Variants in CAMKMT observed in about 807,000 individuals in gnomAD.
The protein encoded by CAMKMT is CaM KMT.
In CAMKMT, 53 loss-of-function variants were observed where a neutral mutation model predicts 48.0. That is an observed-to-expected ratio of 1.10 (90% confidence interval 0.89 to 1.39). The LOEUF is 1.39. Among genes scored for constraint, CAMKMT ranks in the 40% most tolerant of loss-of-function variants. The pLI is 0.00. For missense variants in CAMKMT, 428 were observed against 402.7 expected (o/e 1.06, Z -0.54); for synonymous variants, 165 against 152.3 (o/e 1.08, Z -0.61).
intron 7 of CAMKMT, among the ~76,000 whole-genome samples, chr2:44,733,553 A>C (rs1679194849): frequency 6.6e-6 from 1 of 152,174 alleles, no homozygotes; most frequent in South Asian, 2.1e-4. Context: ...TTCACCATTA[A>C]GTATGATGTT....
intron 7 of CAMKMT, among the ~76,000 whole-genome samples, chr2:44,726,767 C>T (rs146925192): frequency 5.9e-5 from 9 of 152,192 alleles, no homozygotes; most frequent in Admixed American, 2.0e-4. Context: ...CATTTAAAAC[C>T]GTAATCCATT....
chr2:44,403,368 G>A (rs1682561724), intron 3 of CAMKMT, among the ~76,000 whole-genome samples: 1 of 152,152 alleles, frequency 6.6e-6, no homozygotes, highest in South Asian at 2.1e-4. Flanking sequence ...AGTCTGGAGA[G>A]ACTAGACCCG....
chr2:44,682,210 A>G (rs939373170), intron 3 of CAMKMT, among the ~76,000 whole-genome samples: 2 of 152,218 alleles, frequency 1.3e-5, no homozygotes, highest in Non-Finnish European at 2.9e-5. Flanking sequence ...CCCCTGAATT[A>G]TTGTATAATA....
intron 3 of CAMKMT, among the ~76,000 whole-genome samples, chr2:44,584,351 A>C (rs1057166906): frequency 2.0e-5 from 3 of 152,236 alleles, no homozygotes; most frequent in Non-Finnish European, 4.4e-5. Flanking sequence ...GTGAAAATGT[A>C]CTAGAGGACC....
intron 3 of CAMKMT, among the ~76,000 whole-genome samples, chr2:44,398,097 A>T (rs963301916): frequency 5.3e-5 from 8 of 152,126 alleles, no homozygotes; most frequent in African/African-American, 1.9e-4. Context: ...CATCCTTTAC[A>T]GTATTTGTCA....
At chr2:44,707,528 T>C in intron 6 of CAMKMT, 66 bp downstream of exon 6, 3 of 1,389,092 alleles carry the variant, frequency 2.2e-6, no homozygotes, top group Non-Finnish European at 1.0e-6. Flanking sequence ...GAGTAACAAT[T>C]GATATAAAGA....
chr2:44,513,659 C>G (rs1206031109), intron 3 of CAMKMT, among the ~76,000 whole-genome samples: 1 of 152,164 alleles, frequency 6.6e-6, no homozygotes, highest in Non-Finnish European at 1.5e-5. Context: ...ACAGAACTTA[C>G]TTCTCTTTCC....
chr2:44,750,331 A>G (rs1680100885), intron 8 of CAMKMT, among the ~76,000 whole-genome samples: 1 of 151,894 alleles, frequency 6.6e-6, no homozygotes, highest in Non-Finnish European at 1.5e-5. Context: ...TAATTTTTGT[A>G]TTTTTAGTAG....
Position 44,454,670 on chromosome 2 carries a change from A to G in CAMKMT, c.376+64365A>G, listed in dbSNP as rs180769547. Among the ~76,000 whole-genome samples the G allele has an allele frequency of 4.2e-3, 636 of 152,072 alleles. 2 individuals are homozygous for G. Among genetic ancestry groups the G allele is most frequent in the African/African-American group, 0.015 (609 of 41,506 alleles). On this transcript the variant is annotated intron_variant, in intron 3 of 10. Coordinates refer to ENST00000378494, the MANE Select transcript of CAMKMT (RefSeq NM_024766.5). ...TTTTCCATTTCTGATCTGTTTCTCT[A>G]TTTTACTTATCTCTTGGACGGCATA...
intron 3 of CAMKMT, among the ~76,000 whole-genome samples, chr2:44,604,985 A>C (rs1457215984): frequency 1.3e-5 from 2 of 152,168 alleles, no homozygotes; most frequent in African/African-American, 4.8e-5. Context: ...ATGGAGTGCC[A>C]TCAGTCCCTG....
chr2:44,555,056 C>T (rs974447988), intron 3 of CAMKMT, among the ~76,000 whole-genome samples: 27 of 151,752 alleles, frequency 1.8e-4, no homozygotes, highest in Non-Finnish European at 3.7e-4. Flanking sequence ...AGAGGGATCT[C>T]GGAACTGTTG....
intron 7 of CAMKMT, among the ~76,000 whole-genome samples, chr2:44,738,000 T>C (rs1461280206): frequency 1.3e-5 from 2 of 151,896 alleles, no homozygotes; most frequent in South Asian, 2.1e-4. Context: ...GGATTACAGG[T>C]GCCCACCATC....
chr2:44,600,502 C>T (rs1670922168), intron 3 of CAMKMT, among the ~76,000 whole-genome samples: 1 of 152,058 alleles, frequency 6.6e-6, no homozygotes, highest in Non-Finnish European at 1.5e-5. Flanking sequence ...CTCCTGGGCT[C>T]AAGCCATCCT....
At chr2:44,644,613 G>T (rs773852486) in intron 3 of CAMKMT, among the ~76,000 whole-genome samples, 8 of 152,242 alleles carry the variant, frequency 5.3e-5, no homozygotes, top group South Asian at 2.1e-4. Context: ...GTTTTATTTC[G>T]TTGACATCTT....
chr2:44,768,177 T>C (rs1302565912), intron 10 of CAMKMT, among the ~76,000 whole-genome samples: 9 of 152,106 alleles, frequency 5.9e-5, no homozygotes, highest in Non-Finnish European at 4.4e-5. Flanking sequence ...TTATTTTTTC[T>C]CTGGTCATAA....
intron 3 of CAMKMT, among the ~76,000 whole-genome samples, chr2:44,492,284 C>T (rs1457342450): frequency 6.6e-6 from 1 of 151,856 alleles, no homozygotes; most frequent in African/African-American, 2.4e-5. Flanking sequence ...GAAATTTAGT[C>T]TGTGGTTAAT....
At chr2:44,487,644 G>T (rs1392012151) in intron 3 of CAMKMT, among the ~76,000 whole-genome samples, 1 of 152,220 alleles carries the variant, frequency 6.6e-6, no homozygotes, top group East Asian at 1.9e-4. Flanking sequence ...TTTTGTACTG[G>T]TCATTGTGTG....
intron 3 of CAMKMT, among the ~76,000 whole-genome samples, chr2:44,535,999 G>C (rs1490735605): frequency 1.3e-5 from 2 of 152,126 alleles, no homozygotes; most frequent in Non-Finnish European, 2.9e-5. Context: ...TCATTAAACT[G>C]TTAAATTCAG....
chr2:44,583,247 T>C (rs997936632), intron 3 of CAMKMT, among the ~76,000 whole-genome samples: 4 of 152,218 alleles, frequency 2.6e-5, no homozygotes, highest in East Asian at 1.9e-4. Flanking sequence ...GTGGGAGCCA[T>C]CAGATACAGT....
Sources: allele counts gnomAD v4.1 joint callset (sites outside exome capture counted in the v4.1 genomes callset), GRCh38; gene constraint gnomAD v4.1.1; transcripts MANE v1.5; gene names NCBI Gene and HGNC (gene_info 2026-07-23, HGNC 2026-07-21).